Variants in VPS45 observed in about 807,000 individuals in gnomAD.
VPS45 encodes vacuolar protein sorting-associated protein 45.
A neutral mutation model predicts 75.9 loss-of-function variants in VPS45; 35 were observed. The observed-to-expected ratio is 0.46, with a 90% confidence interval of 0.35 to 0.61. The LOEUF is 0.61. VPS45 is among the 20% of genes least tolerant of loss of function. VPS45 has a pLI of 0.00. For synonymous variants in VPS45, 220 were observed against 238.2 expected (o/e 0.92, Z 0.70); for missense variants, 559 against 685.9 (o/e 0.81, Z 2.07).
intron 4 of VPS45, chr1:150,076,709 GATTT>G: frequency 9.9e-6 from 6 of 607,324 alleles, no homozygotes; most frequent in Non-Finnish European, 1.7e-5. Context: ...TTATTTGTTA[GATTT>G]ATTATTATTG....
intron 14 of VPS45, among the ~76,000 whole-genome samples, chr1:150,132,265 A>G (rs1445165205): frequency 1.3e-5 from 2 of 152,362 alleles, no homozygotes; most frequent in South Asian, 2.1e-4. Context: ...GGAAGATCCA[A>G]TACAGATTTG....
intron 14 of VPS45, among the ~76,000 whole-genome samples, chr1:150,113,522 A>AT (rs1657757580): frequency 6.6e-6 from 1 of 152,158 alleles, no homozygotes; most frequent in Admixed American, 6.5e-5. Flanking sequence ...CTTGTCACAA[A>AT]TCCGTGCAAA....
chr1:150,097,236 C>T (rs1331380973), intron 13 of VPS45, among the ~76,000 whole-genome samples: 1 of 151,388 alleles, frequency 6.6e-6, no homozygotes, highest in Admixed American at 6.6e-5. Flanking sequence ...CAGGTGCATG[C>T]CACCATGCCT....
intron 14 of VPS45, among the ~76,000 whole-genome samples, chr1:150,132,416 G>A (rs1332707697): frequency 6.6e-6 from 1 of 152,084 alleles, no homozygotes. Context: ...CTGTTTTCAT[G>A]ATCAAAAAAT....
At chr1:150,126,456 G>A (rs1330289381) in intron 14 of VPS45, among the ~76,000 whole-genome samples, 1 of 151,754 alleles carries the variant, frequency 6.6e-6, no homozygotes, top group Non-Finnish European at 1.5e-5. Context: ...CTCGTGATCC[G>A]CCCTCCTCGG....
intron 3 of VPS45, among the ~76,000 whole-genome samples, chr1:150,074,107 C>T (rs1408299131): frequency 2.0e-5 from 3 of 151,710 alleles, no homozygotes; most frequent in East Asian, 1.9e-4. Context: ...CTCCACCTCC[C>T]GGGTTCAAGC....
rs782008244 is a variant in VPS45 at position 150,077,809 on chromosome 1, G to A, written c.687+30G>A. 4 of 1,527,934 alleles carry A rather than the reference G, an allele frequency of 2.6e-6. No individual in the cohort carries two copies. The South Asian group carries it at 4.5e-5, about 17-fold the overall frequency. 94.6% of individuals were successfully genotyped at this position (1,527,934 alleles called of 1,614,324 possible). A position where few individuals can be genotyped will look rare whatever the true frequency, so the allele number is the denominator to read the frequency against. ...AAAACCCTTTCTTGGCATAATAGAA[G>A]GATAATTTTAAGTGATATTCATCAA... On this transcript the variant is annotated intron_variant, in intron 7 of 14. Coordinates refer to ENST00000644510, the MANE Select transcript of VPS45 (RefSeq NM_007259.5).
intron 14 of VPS45, among the ~76,000 whole-genome samples, chr1:150,127,918 T>C (rs1188976711): frequency 6.6e-6 from 1 of 152,190 alleles, no homozygotes; most frequent in Non-Finnish European, 1.5e-5. Context: ...AATACAGAAC[T>C]GAGGGATCAT....
chr1:150,093,781 T>A, intron 13 of VPS45, 133 bp downstream of exon 13: 1 of 1,169,176 alleles, frequency 8.6e-7, no homozygotes, highest in Non-Finnish European at 1.2e-6. Flanking sequence ...TCTTTTGGTT[T>A]TACATATGTC....
At position 150,068,673 on chromosome 1, in the gene VPS45, A is replaced by G. The variant is rs1654858626; in HGVS notation, c.137A>G (p.Gln46Arg). ...SMVYTQSEILQKEVYLFERID... is the reference protein window; with the variant it reads ...SMVYTQSEILRKEVYLFERID... ...GTATACACACAATCGGAGATTCTAC[A>G]GAAGGAAGTGTACCTCTTTGAACGC... Residue 46 changes from glutamine to arginine, a missense_variant, in exon 2 of 15, where the codon CAG (glutamine) becomes CGG (arginine). By Grantham distance (43) the Gln-to-Arg change is conservative (BLOSUM62 1). Transcript: ENST00000644510. 4 of 1,612,314 alleles carry G rather than the reference A, an allele frequency of 2.5e-6. No individual in the cohort carries two copies. Among genetic ancestry groups the G allele is most frequent in the Non-Finnish European group, 3.4e-6 (4 of 1,179,248 alleles).
At chr1:150,136,791 GGT>G (rs1173758166) in intron 14 of VPS45, among the ~76,000 whole-genome samples, 4 of 122,266 alleles carry the variant, frequency 3.3e-5, no homozygotes, top group African/African-American at 1.1e-4. Context: ...AAAAAAAAAA[GGT>G]GTACCACATT....
At chr1:150,072,755 A>G (rs111887541) in intron 3 of VPS45, among the ~76,000 whole-genome samples, 10 of 151,978 alleles carry the variant, frequency 6.6e-5, no homozygotes, top group South Asian at 2.1e-4. Context: ...TTTACATTTT[A>G]CTTTGCCTTT....
chr1:150,125,350 T>G (rs1315801353), intron 14 of VPS45, among the ~76,000 whole-genome samples: 1 of 148,894 alleles, frequency 6.7e-6, no homozygotes, highest in East Asian at 1.9e-4. Context: ...TTTATTTATT[T>G]TTTAATATAT....
rs77070003 is a variant in VPS45 at position 150,077,015 on chromosome 1, G to A, written c.438+31G>A. The A allele has an allele frequency of 8.2e-4, 1,316 of 1,613,738 alleles. 15 individuals carry two copies. The African/African-American group carries it at 0.015, about 18-fold the overall frequency. The stretch of plus-strand genomic sequence containing the variant: ...GAAGGAAAGGTTTAATTTATCAGTC[G>A]AGAGTTAATTCAGCAAATAATTAGA... On this transcript the variant is annotated intron_variant, in intron 5 of 14. Coordinates refer to ENST00000644510, the MANE Select transcript of VPS45 (RefSeq NM_007259.5).
chr1:150,067,819 G>A lies in VPS45; in HGVS notation c.-39G>A. ...TGGGGGTTAATTTAGCCAGAAAAGG[G>A]GGCGGGAAGGGCTGTAGGGTACTTG... On this transcript the variant is annotated 5_prime_UTR_variant, in exon 1 of 15. Coordinates refer to ENST00000644510, the MANE Select transcript of VPS45 (RefSeq NM_007259.5). 1.9e-6 allele frequency: 3 copies of A among 1,598,290 alleles called. No homozygotes were observed. Among genetic ancestry groups the A allele is most frequent in the East Asian group, 2.2e-5 (1 of 44,750 alleles).
In VPS45 at chr1:150,138,690, C is replaced by A. The variant is rs112533153; in HGVS notation, c.1626-6019C>A. ...CCCCTGAGACTAAAATCACACTCCTCACCCCATTGAGAACCAGTGTTTCTT... is the reference window on the plus strand; with the variant it reads ...CCCCTGAGACTAAAATCACACTCCTAACCCCATTGAGAACCAGTGTTTCTT... On this transcript the variant is annotated intron_variant, in intron 14 of 14. Transcript: ENST00000644510. Among the ~76,000 whole-genome samples, 21 of 152,296 alleles carry A rather than the reference C, an allele frequency of 1.4e-4. 1 individual carries two copies. Among genetic ancestry groups the A allele is most frequent in the African/African-American group, 4.3e-4 (18 of 41,554 alleles).
chr1:150,118,566 T>C (rs150005130), intron 14 of VPS45, among the ~76,000 whole-genome samples: 4,105 of 151,956 alleles, frequency 0.027, 143 homozygotes, highest in African/African-American at 0.089. Context: ...CCACCACACC[T>C]GGCTAATTTT....
At chr1:150,126,809 C>G (rs1037570258) in intron 14 of VPS45, among the ~76,000 whole-genome samples, 1 of 152,052 alleles carries the variant, frequency 6.6e-6, no homozygotes, top group Non-Finnish European at 1.5e-5. Context: ...CCACAAAAAA[C>G]GTTAAAATTA....
chr1:150,077,690 G>C lies in VPS45; in HGVS notation c.598G>C (p.Glu200Gln). 6.2e-7 allele frequency: 1 copy of C among 1,613,808 alleles called. No homozygotes were observed. The change falls in exon 7 of 15, where the codon GAA (glutamate) becomes CAA (glutamine). Residue 200 changes from glutamate (E) to glutamine (Q), a missense_variant. Coordinates refer to ENST00000644510, the MANE Select transcript of VPS45 (RefSeq NM_007259.5). ...CVKQVITKEY[E>Q]LFEFRRTEVP... ...ACAGCAAGTGATAACTAAAGAATAT[G>C]AACTGTTTGAATTCCGTCGGACAGA...
Sources: gnomAD v4.1 joint callset for allele counts (sites outside exome capture counted in the v4.1 genomes callset) on GRCh38, gnomAD v4.1.1 for gene constraint, MANE v1.5 for transcripts, NCBI Gene and HGNC (gene_info 2026-07-23, HGNC 2026-07-21) for gene names.